MPHOSPH8: variants seen among roughly 807,000 people sequenced by gnomAD.
MPHOSPH8 encodes the protein M-phase phosphoprotein 8, also known as M-phase phosphoprotein, mpp.
MPHOSPH8 carries 45 observed loss-of-function variants against 87.3 expected under a neutral mutation model. The ratio of observed to expected loss-of-function variants is 0.52; its 90% CI spans 0.41 to 0.66. MPHOSPH8 has a LOEUF of 0.66. MPHOSPH8 is among the 30% of genes least tolerant of loss of function. The pLI, the probability that MPHOSPH8 is intolerant of heterozygous loss-of-function variation, is 0.00. For synonymous variants in MPHOSPH8, 366 were observed against 376.9 expected, an observed-to-expected ratio of 0.97 and a Z score of 0.33; for missense variants, 883 against 1,020.2, an observed-to-expected ratio of 0.87 and a Z score of 1.83.
In MPHOSPH8 at chr13:19,654,828, A is replaced by G. The variant is rs949253248; in HGVS notation, c.1577-4167A>G. On this transcript the variant is annotated intron_variant, in intron 5 of 13. Coordinates refer to ENST00000361479, the MANE Select transcript of MPHOSPH8 (RefSeq NM_017520.4). Reference sequence around the variant, plus strand: ...CTGGATGTGGTGGCACATGCCTGTAATCCCAGCTACTCAGGAAGTTGAGGC... The same window carrying G: ...CTGGATGTGGTGGCACATGCCTGTAGTCCCAGCTACTCAGGAAGTTGAGGC... 3.9e-5 allele frequency among the ~76,000 whole-genome samples: 6 copies of G among 152,080 alleles called. No individual in the cohort carries two copies. In the East Asian group the frequency reaches 9.7e-4, roughly 24 times the overall value.
intron 8 of MPHOSPH8, 122 bp from the exon 9 acceptor site, chr13:19,662,918 C>T (rs1465191592): frequency 2.4e-6 from 2 of 829,194 alleles, no homozygotes; most frequent in African/African-American, 1.7e-5. Context: ...ATGCTGCAGC[C>T]CGCAACCACT....
At chr13:19,670,913 A>G (rs1258613581) in intron 12 of MPHOSPH8, 1 of 974,324 alleles carries the variant, frequency 1.0e-6, no homozygotes, top group Non-Finnish European at 1.5e-6. Flanking sequence ...TTGACTTCCC[A>G]GGCACAAGCA....
rs187690379 is a variant in MPHOSPH8 at position 19,672,375 on chromosome 13, C to T, written c.*500C>T. 3.3e-5 allele frequency: 5 copies of T among 153,540 alleles called. No homozygotes were observed. In the East Asian group the frequency reaches 7.7e-4, roughly 24 times the overall value. 9.5% of individuals were successfully genotyped at this position (153,540 alleles called of 1,614,324 possible). ...GTCAGGCTGGTCTTGAACTCCTGAC[C>T]TCAGGTGATCCGCCCGCCTCGGCCT... is the stretch of plus-strand genomic sequence containing the variant. On this transcript the variant is annotated 3_prime_UTR_variant, in exon 14 of 14. Transcript: ENST00000361479.
intron 5 of MPHOSPH8, among the ~76,000 whole-genome samples, chr13:19,652,041 G>A (rs7334411): frequency 0.11 from 16,235 of 152,170 alleles, 1,061 homozygotes; most frequent in African/African-American, 0.18. Context: ...GGCAGAGGTT[G>A]TGGTGAGCCA....
rs770064362 is a variant in MPHOSPH8, at chr13:19,666,451, C to T, written c.2046C>T (p.Ile682=). The T allele has an allele frequency of 2.3e-5, 37 of 1,609,836 alleles. No homozygotes were observed. The highest frequency in any genetic ancestry group is 3.1e-5 in the Non-Finnish European group (36 of 1,176,506). ...MKACKRGNSD[I]VRLVIECGAD... is the part of the protein sequence containing the mutation. ...CCTGTAAAAGAGGAAATTCAGACAT[C>T]GTACGACTCGTAATTGAATGTGGAG... Residue 682 remains isoleucine, a synonymous_variant, in exon 10 of 14, where the codon ATC becomes ATT. Coordinates refer to ENST00000361479, the MANE Select transcript of MPHOSPH8 (RefSeq NM_017520.4).
chr13:19,655,594 G>A (rs1875116751), intron 5 of MPHOSPH8, among the ~76,000 whole-genome samples: 1 of 152,092 alleles, frequency 6.6e-6, no homozygotes, highest in Non-Finnish European at 1.5e-5. Context: ...ATGTTTCCCA[G>A]GCTGGTCTTG....
intron 1 of MPHOSPH8, among the ~76,000 whole-genome samples, chr13:19,634,246 C>T (rs1190061694): frequency 1.3e-5 from 2 of 152,144 alleles, no homozygotes; most frequent in African/African-American, 2.4e-5. Flanking sequence ...CTGCAGGCAG[C>T]TGGTGAAGGG....
chr13:19,633,677 G>A lies in MPHOSPH8; in HGVS notation c.-72G>A, dbSNP rs544422612. ...CGCCGCTGATGTGGAGTAGGGCCGA[G>A]CGCGGAACGCGAGGGGCTGCTGGGG... On this transcript the variant is annotated 5_prime_UTR_variant, in exon 1 of 14. Transcript: ENST00000361479. The A allele has an allele frequency of 1.1e-4, 160 of 1,509,260 alleles. 1 individual carries two copies. The African/African-American group carries it at 1.9e-3, about 18-fold the overall frequency. 93.5% of individuals were successfully genotyped at this position (1,509,260 alleles called of 1,614,324 possible).
Position 19,650,051 on chromosome 13 carries a change from A to G in MPHOSPH8, c.1367A>G (p.Glu456Gly), listed in dbSNP as rs1318047055. The G allele has an allele frequency of 1.1e-5, 17 of 1,607,710 alleles. No homozygotes were observed. The highest frequency in any genetic ancestry group is 1.3e-5 in the African/African-American group (1 of 74,412). The change falls in exon 5 of 14, where the codon GAA (glutamate) becomes GGA (glycine). Residue 456 changes from glutamate to glycine, a missense_variant. Coordinates refer to ENST00000361479, the MANE Select transcript of MPHOSPH8 (RefSeq NM_017520.4). ...NAFDLFKLTPEEKNDVSENNR... is the reference protein window; with the variant it reads ...NAFDLFKLTPGEKNDVSENNR... ...TTTGATTTATTTAAATTAACTCCAG[A>G]AGAAAAAAATGATGTTTCTGAGAAT...
chr13:19,660,361 T>G (rs1227995020), intron 7 of MPHOSPH8, among the ~76,000 whole-genome samples: 1 of 152,160 alleles, frequency 6.6e-6, no homozygotes, highest in African/African-American at 2.4e-5. Context: ...ATTTTTAGTT[T>G]TAGGCAATCA....
intron 7 of MPHOSPH8, chr13:19,661,071 TGA>T: frequency 3.9e-6 from 2 of 515,318 alleles, no homozygotes; most frequent in Non-Finnish European, 5.0e-6. Flanking sequence ...CAGCCTGGGC[TGA>T]CATAGCAACA....
intron 1 of MPHOSPH8, among the ~76,000 whole-genome samples, chr13:19,634,960 C>T (rs1873913994): frequency 6.6e-6 from 1 of 152,146 alleles, no homozygotes; most frequent in South Asian, 2.1e-4. Flanking sequence ...CTACTGTATG[C>T]CAGGTGCTGT....
intron 2 of MPHOSPH8, among the ~76,000 whole-genome samples, chr13:19,645,990 T>C (rs1464438503): frequency 6.6e-6 from 1 of 152,250 alleles, no homozygotes; most frequent in Non-Finnish European, 1.5e-5. Flanking sequence ...GCTTGTTCTG[T>C]ACATAACTGT....
At chr13:19,639,718 A>C (rs1427108278) in intron 1 of MPHOSPH8, among the ~76,000 whole-genome samples, 1 of 152,188 alleles carries the variant, frequency 6.6e-6, no homozygotes, top group Non-Finnish European at 1.5e-5. Flanking sequence ...GGAAGGAAGA[A>C]AAAGAAGGTG....
intron 10 of MPHOSPH8, 122 bp downstream of exon 10, chr13:19,666,701 T>C: frequency 1.2e-6 from 1 of 825,336 alleles, no homozygotes; most frequent in Non-Finnish European, 1.8e-6. Flanking sequence ...CAAGTCCTGA[T>C]GGTTTTGTTT....
intron 1 of MPHOSPH8, among the ~76,000 whole-genome samples, chr13:19,640,126 G>A (rs1248976691): frequency 6.6e-6 from 1 of 151,848 alleles, no homozygotes; most frequent in African/African-American, 2.4e-5. Context: ...GAAAAAAAAA[G>A]CTGTGGGGTA....
At chr13:19,637,678 A>C (rs1024389727) in intron 1 of MPHOSPH8, among the ~76,000 whole-genome samples, 1 of 152,156 alleles carries the variant, frequency 6.6e-6, no homozygotes, top group Admixed American at 6.5e-5. Flanking sequence ...AGTTCTGCAT[A>C]CTATTGACTA....
At position 19,633,674 on chromosome 13, in the gene MPHOSPH8, C is replaced by T. The variant is rs1459217657; in HGVS notation, c.-75C>T. The T allele has an allele frequency of 4.7e-6, 7 of 1,497,090 alleles. No individual in the cohort carries two copies. The Admixed American group carries it at 9.8e-5, about 21-fold the overall frequency. 92.7% of individuals were successfully genotyped at this position (1,497,090 alleles called of 1,614,324 possible). ...TTACGCCGCTGATGTGGAGTAGGGC[C>T]GAGCGCGGAACGCGAGGGGCTGCTG... On this transcript the variant is annotated 5_prime_UTR_variant, in exon 1 of 14. Transcript: ENST00000361479.
At chr13:19,666,314 C>A in intron 9 of MPHOSPH8, 111 bp from the exon 10 acceptor site, 2 of 1,164,306 alleles carry the variant, frequency 1.7e-6, no homozygotes, top group Non-Finnish European at 2.4e-6. Context: ...ATCCTTCTTC[C>A]ATGGCCTGTG....
Sources: gnomAD v4.1 joint callset for allele counts (sites outside exome capture counted in the v4.1 genomes callset) on GRCh38, gnomAD v4.1.1 for gene constraint, MANE v1.5 for transcripts, NCBI Gene and HGNC (gene_info 2026-07-23, HGNC 2026-07-21) for gene names.